INPP4B: variants seen among roughly 807,000 people sequenced by gnomAD.
INPP4B encodes the protein inositol polyphosphate-4-phosphatase type II B.
In INPP4B, 55 loss-of-function variants were observed where a neutral mutation model predicts 122.5. The observed-to-expected ratio is 0.45, with a 90% CI of 0.36 to 0.56. The LOEUF (loss-of-function observed/expected upper bound fraction) is 0.56. INPP4B is among the 20% of genes least tolerant of loss of function. The probability of loss-of-function intolerance (pLI) is 0.00; values close to 1 mark genes in which losing one functional copy is unlikely to be tolerated. For missense variants in INPP4B, 1,000 were observed against 1,097.7 expected (o/e 0.91, Z 1.26); for synonymous variants, 403 against 388.7 (o/e 1.04, Z -0.43).
intron 2 of INPP4B, among the ~76,000 whole-genome samples, chr4:142,636,999 G>A (rs1415984594): frequency 6.6e-6 from 1 of 151,954 alleles, no homozygotes; most frequent in Non-Finnish European, 1.5e-5. Context: ...TCTGCTAAAT[G>A]GGTCATACTC....
chr4:142,120,227 A>C (rs1434878165), intron 21 of INPP4B, among the ~76,000 whole-genome samples: 2 of 152,002 alleles, frequency 1.3e-5, no homozygotes, highest in Non-Finnish European at 2.9e-5. Context: ...CTAATACTAC[A>C]TTGTCTTGAT....
intron 11 of INPP4B, among the ~76,000 whole-genome samples, chr4:142,256,204 A>C (rs1334711397): frequency 2.0e-5 from 3 of 151,342 alleles, no homozygotes; most frequent in Non-Finnish European, 4.4e-5. Flanking sequence ...CATTCAAAGC[A>C]GTGTGTAGAG....
intron 2 of INPP4B, among the ~76,000 whole-genome samples, chr4:142,612,470 A>G (rs541596875): frequency 3.9e-4 from 60 of 152,220 alleles, no homozygotes; most frequent in Non-Finnish European, 7.5e-4. Flanking sequence ...GTTTAAAAAC[A>G]ACAGAAATGT....
chr4:142,710,286 T>C lies in INPP4B; in HGVS notation c.-191+15553A>G, dbSNP rs573629473. Among the ~76,000 whole-genome samples, 25 of 152,308 alleles carry C rather than the reference T, an allele frequency of 1.6e-4. No individual in the cohort carries two copies. In the South Asian group the frequency reaches 5.2e-3, roughly 32 times the overall value. The stretch of plus-strand genomic sequence containing the variant: ...ATTAGCTTTCCTATTGATTTCCAGT[T>C]TGTGATTATTCATTGAAGGGTAAAA... On this transcript the variant is annotated intron_variant, in intron 2 of 25. Coordinates refer to ENST00000262992, the MANE Select transcript of INPP4B (RefSeq NM_001101669.3).
chr4:142,766,720 C>A (rs1772203516), intron 1 of INPP4B: 1 of 151,976 alleles, frequency 6.6e-6, no homozygotes, highest in Non-Finnish European at 1.5e-5. Flanking sequence ...AAAATGAAAT[C>A]AATGTGTGCT....
At chr4:142,081,568 A>G (rs1481876607) in intron 25 of INPP4B, among the ~76,000 whole-genome samples, 1 of 152,144 alleles carries the variant, frequency 6.6e-6, no homozygotes, top group African/African-American at 2.4e-5. Context: ...TCTGTGGGCC[A>G]TGGGAATATC....
Position 142,797,302 on chromosome 4 carries a change from C to T in INPP4B, c.-254+48907G>A, listed in dbSNP as rs115419796. Among the ~76,000 whole-genome samples the T allele has an allele frequency of 8.4e-4, 127 of 152,036 alleles. 1 individual carries two copies. The highest frequency in any genetic ancestry group is 6.0e-3 in the South Asian group (29 of 4,830). On this transcript the variant is annotated intron_variant, in intron 1 of 25. Transcript: ENST00000262992. The stretch of plus-strand genomic sequence containing the variant: ...TCTAAAATCTCTATTCTTAGACTTA[C>T]GTTCTACTGCCTTTTGAAACATAGC...
At chr4:142,176,020 T>G (rs1242029583) in intron 15 of INPP4B, among the ~76,000 whole-genome samples, 1 of 151,900 alleles carries the variant, frequency 6.6e-6, no homozygotes, top group Non-Finnish European at 1.5e-5. Context: ...TGTCCTCTTA[T>G]GGCTATTTAC....
chr4:142,639,965 T>C (rs1750021907), intron 2 of INPP4B, among the ~76,000 whole-genome samples: 1 of 152,116 alleles, frequency 6.6e-6, no homozygotes, highest in Non-Finnish European at 1.5e-5. Context: ...GATGTGACCA[T>C]GCAGAAGCTA....
chr4:142,379,434 C>A (rs898439040), intron 7 of INPP4B, among the ~76,000 whole-genome samples: 9 of 152,120 alleles, frequency 5.9e-5, no homozygotes, highest in Admixed American at 2.0e-4. Flanking sequence ...AAACAGATGT[C>A]CCCTAACATT....
intron 3 of INPP4B, 54 bp from the exon 4 acceptor site, chr4:142,431,439 TA>T: frequency 1.7e-6 from 1 of 593,978 alleles, no homozygotes; most frequent in Non-Finnish European, 3.0e-6. Context: ...AGTATAAAGC[TA>T]AAAAGTAAAG....
At chr4:142,341,875 T>C (rs1778813792) in intron 7 of INPP4B, among the ~76,000 whole-genome samples, 1 of 152,086 alleles carries the variant, frequency 6.6e-6, no homozygotes, top group Non-Finnish European at 1.5e-5. Flanking sequence ...CAAAAAGAGC[T>C]GAATCTTGCC....
At chr4:142,318,466 T>A (rs927017744) in intron 7 of INPP4B, among the ~76,000 whole-genome samples, 1 of 152,232 alleles carries the variant, frequency 6.6e-6, no homozygotes, top group Non-Finnish European at 1.5e-5. Context: ...CTCCTGAGAA[T>A]TTCAAGCCTT....
chr4:142,134,462 T>A (rs1038310408), intron 18 of INPP4B, among the ~76,000 whole-genome samples: 5 of 152,198 alleles, frequency 3.3e-5, no homozygotes, highest in African/African-American at 1.2e-4. Context: ...TCAAAAATGT[T>A]ATTGAAATTC....
chr4:142,541,563 A>C (rs1828945311), intron 2 of INPP4B, among the ~76,000 whole-genome samples: 1 of 152,152 alleles, frequency 6.6e-6, no homozygotes, highest in South Asian at 2.1e-4. Context: ...TTATTGCCTC[A>C]CAACTCCAAA....
chr4:142,144,349 A>C (rs574941839), intron 18 of INPP4B, among the ~76,000 whole-genome samples: 1 of 152,094 alleles, frequency 6.6e-6, no homozygotes, highest in Non-Finnish European at 1.5e-5. Flanking sequence ...AACAAAATCC[A>C]GTGTCCCTTA....
chr4:142,375,560 C>T (rs1791533522), intron 7 of INPP4B, among the ~76,000 whole-genome samples: 1 of 151,832 alleles, frequency 6.6e-6, no homozygotes, highest in South Asian at 2.1e-4. Context: ...TATCAGCTTT[C>T]CTTGCTACTA....
chr4:142,347,431 C>A, intron 7 of INPP4B: 1 of 407,114 alleles, frequency 2.5e-6, no homozygotes, highest in South Asian at 1.8e-5. Flanking sequence ...CTTTATGAAG[C>A]ACTTGAAGTA....
At chr4:142,794,726 T>C (rs140881634) in intron 1 of INPP4B, among the ~76,000 whole-genome samples, 7 of 151,862 alleles carry the variant, frequency 4.6e-5, no homozygotes, top group African/African-American at 1.4e-4. Context: ...CATAAATATA[T>C]AAAGCTCATA....
Sources: allele counts gnomAD v4.1 joint callset (sites outside exome capture counted in the v4.1 genomes callset), GRCh38; gene constraint gnomAD v4.1.1; transcripts MANE v1.5; gene names NCBI Gene and HGNC (gene_info 2026-07-23, HGNC 2026-07-21).